Variants in FOXP2 observed in about 807,000 individuals in gnomAD.
FOXP2 encodes forkhead box protein P2.
In FOXP2, 12 loss-of-function variants were observed where a neutral mutation model predicts 115.8. That is an observed-to-expected ratio of 0.10 (90% confidence interval 0.07 to 0.17). The LOEUF (loss-of-function observed/expected upper bound fraction) is 0.17. FOXP2 is among the 10% of genes least tolerant of loss of function. The pLI, the probability that FOXP2 is intolerant of heterozygous loss-of-function variation, is 1.00. For synonymous variants in FOXP2, 328 were observed against 297.7 expected (o/e 1.10, Z -1.05); for missense variants, 629 against 843.5 (o/e 0.75, Z 3.15).
At chr7:114,582,990 A>G (rs1021671715) in intron 3 of FOXP2, among the ~76,000 whole-genome samples, 6 of 152,200 alleles carry the variant, frequency 3.9e-5, no homozygotes, top group Non-Finnish European at 5.9e-5. Context: ...TGAAATTGGA[A>G]CTAAAGTGTA....
intron 1 of FOXP2, among the ~76,000 whole-genome samples, chr7:114,093,777 A>G (rs1453673998): frequency 6.6e-6 from 1 of 152,072 alleles, no homozygotes; most frequent in Non-Finnish European, 1.5e-5. Context: ...TTTAAAATCT[A>G]TATTTTAAAT....
At chr7:114,351,572 A>G (rs997510333) in intron 2 of FOXP2, among the ~76,000 whole-genome samples, 6 of 152,116 alleles carry the variant, frequency 3.9e-5, no homozygotes, top group African/African-American at 1.4e-4. Flanking sequence ...TTTATCAAAT[A>G]TATTTTCTTC....
At position 114,479,410 on chromosome 7, in the gene FOXP2, A is replaced by T. The variant is rs1310306868; in HGVS notation, c.168+52731A>T. On this transcript the variant is annotated intron_variant, in intron 2 of 16. Transcript: ENST00000350908. ...ACGCTTGGTCAAGTTACTTTGGATCAGTTACTTTTAACATGGTATTTACCT... is the reference window on the plus strand; with the variant it reads ...ACGCTTGGTCAAGTTACTTTGGATCTGTTACTTTTAACATGGTATTTACCT... Among the ~76,000 whole-genome samples, 3 of 151,474 alleles carry T rather than the reference A, an allele frequency of 2.0e-5. No individual in the cohort carries two copies. In the East Asian group the frequency reaches 5.8e-4, roughly 29 times the overall value.
At chr7:114,501,203 ACAT>A (rs1415686757) in intron 2 of FOXP2, among the ~76,000 whole-genome samples, 1 of 152,234 alleles carries the variant, frequency 6.6e-6, no homozygotes, top group African/African-American at 2.4e-5. Flanking sequence ...ATCAATTTAA[ACAT>A]CATCCAATTT....
At chr7:114,462,844 A>C (rs1795638764) in intron 2 of FOXP2, among the ~76,000 whole-genome samples, 1 of 152,196 alleles carries the variant, frequency 6.6e-6, no homozygotes, top group Non-Finnish European at 1.5e-5. Flanking sequence ...GCTTTGCAGT[A>C]AATGTCTTGG....
rs950455752 is a variant in FOXP2 at position 114,692,429 on chromosome 7, T to C, written c.*2503T>C. The C allele has an allele frequency of 1.8e-5, 8 of 449,888 alleles. No homozygotes were observed. The highest frequency in any genetic ancestry group is 1.2e-4 in the African/African-American group (6 of 49,596). The allele number at this position is 449,888 out of a possible 1,614,324, so 27.9% of individuals were successfully genotyped here. A position where few individuals can be genotyped will look rare whatever the true frequency, so the allele number is the denominator to read the frequency against. On this transcript the variant is annotated 3_prime_UTR_variant, in exon 17 of 17. Transcript: ENST00000350908. ...GCTTTGAAAATAGATTTTAGGTTTT[T>C]TGGAGTTTCCTGAAATGCTTGGTCT... is the stretch of plus-strand genomic sequence containing the variant.
chr7:114,584,847 G>A (rs944668960), intron 3 of FOXP2, among the ~76,000 whole-genome samples: 4 of 152,220 alleles, frequency 2.6e-5, no homozygotes, highest in Middle Eastern at 3.4e-3. Context: ...TTCTTTGCTA[G>A]ATTATTACAT....
chr7:114,570,938 G>C, intron 3 of FOXP2: 1 of 1,421,672 alleles, frequency 7.0e-7, no homozygotes, highest in South Asian at 1.1e-5. Context: ...CATGGACCCA[G>C]TCCCACTAAA....
intron 3 of FOXP2, among the ~76,000 whole-genome samples, chr7:114,574,351 T>G (rs1801470671): frequency 6.6e-6 from 1 of 151,874 alleles, no homozygotes; most frequent in South Asian, 2.1e-4. Flanking sequence ...GAGAGCTTCA[T>G]TGTTAGAGAA....
At chr7:114,554,057 A>T (rs1387157906) in intron 3 of FOXP2, among the ~76,000 whole-genome samples, 7 of 152,150 alleles carry the variant, frequency 4.6e-5, no homozygotes. Flanking sequence ...TCAATAACAG[A>T]GGATACCAAA....
chr7:114,536,796 G>A (rs12674004), intron 3 of FOXP2, among the ~76,000 whole-genome samples: 13,312 of 151,354 alleles, frequency 0.088, 1,223 homozygotes, highest in African/African-American at 0.23. Context: ...ATGCCAAAAT[G>A]TCATAGGAAC....
intron 8 of FOXP2, among the ~76,000 whole-genome samples, chr7:114,649,144 A>G (rs1806089788): frequency 6.6e-6 from 1 of 152,120 alleles, no homozygotes; most frequent in South Asian, 2.1e-4. Flanking sequence ...CAGAAAAAGT[A>G]TTATTGTTGG....
At position 114,550,279 on chromosome 7, in the gene FOXP2, G is replaced by A. The variant is rs7801089; in HGVS notation, c.258+15573G>A. Among the ~76,000 whole-genome samples, 1,496 of 151,800 alleles carry A rather than the reference G, an allele frequency of 9.9e-3. 21 individuals are homozygous for A. Among genetic ancestry groups the A allele is most frequent in the African/African-American group, 0.035 (1,435 of 41,402 alleles). On this transcript the variant is annotated intron_variant, in intron 3 of 16. Transcript: ENST00000350908. ...ACTACAGGCGCCCTCCACCACGCCC[G>A]GCTAATTTTTGTATTTTTAGTAGAG...
At chr7:114,397,133 ATAAT>A (rs1397988249) in intron 2 of FOXP2, among the ~76,000 whole-genome samples, 1 of 152,154 alleles carries the variant, frequency 6.6e-6, no homozygotes, top group Non-Finnish European at 1.5e-5. Context: ...AAAGCACAAA[ATAAT>A]TCGGAATAGT....
intron 2 of FOXP2, among the ~76,000 whole-genome samples, chr7:114,397,429 G>A (rs1477848665): frequency 6.6e-6 from 1 of 152,092 alleles, no homozygotes; most frequent in African/African-American, 2.4e-5. Flanking sequence ...ATTTCCATAT[G>A]ATGTAGAGAA....
In FOXP2 at chr7:114,522,975, A is replaced by G. The variant is rs149318714; in HGVS notation, c.169-11642A>G. Among the ~76,000 whole-genome samples the G allele has an allele frequency of 3.1e-3, 475 of 151,812 alleles. 4 individuals carry two copies. Among genetic ancestry groups the G allele is most frequent in the African/African-American group, 0.011 (450 of 41,528 alleles). On this transcript the variant is annotated intron_variant, in intron 2 of 16. Transcript: ENST00000350908. Reference sequence around the variant, plus strand: ...TAAATTTCAAAAATTTTATATTTATATAAATAAAAATAAATTATATGATCT... The same window carrying G: ...TAAATTTCAAAAATTTTATATTTATGTAAATAAAAATAAATTATATGATCT...
chr7:114,342,061 C>G (rs1162642525), intron 2 of FOXP2, among the ~76,000 whole-genome samples: 1 of 151,310 alleles, frequency 6.6e-6, no homozygotes, highest in East Asian at 1.9e-4. Flanking sequence ...CTGCCAAAGG[C>G]TTTAAATAAG....
At chr7:114,642,801 TATATA>T (rs1293650503) in intron 7 of FOXP2, among the ~76,000 whole-genome samples, 178 bp downstream of exon 7, 1,398 of 67,930 alleles carry the variant, frequency 0.021, 116 homozygotes, top group South Asian at 0.03. Context: ...TATATATATA[TATATA>T]TATATATTTT....
chr7:114,654,698 C>G (rs1298395092), intron 10 of FOXP2, among the ~76,000 whole-genome samples: 1 of 152,120 alleles, frequency 6.6e-6, no homozygotes, highest in Non-Finnish European at 1.5e-5. Flanking sequence ...TCTCATTCAG[C>G]TGATGTTTGC....
Sources: allele counts gnomAD v4.1 joint callset (sites outside exome capture counted in the v4.1 genomes callset), GRCh38; gene constraint gnomAD v4.1.1; transcripts MANE v1.5; gene names NCBI Gene and HGNC (gene_info 2026-07-23, HGNC 2026-07-21).